The following STXBP5 variants were observed in gnomAD, a reference collection of about 807,000 sequenced individuals.
STXBP5 encodes syntaxin-binding protein 5.
In STXBP5, 50 loss-of-function variants were observed where a neutral mutation model predicts 152.4. That is an observed-to-expected ratio of 0.33 (90% CI 0.26 to 0.42). STXBP5 has a LOEUF of 0.42. STXBP5 is among the 10% of genes least tolerant of loss of function. STXBP5 has a pLI of 1.00. For synonymous variants in STXBP5, 492 were observed against 494.7 expected, an observed-to-expected ratio of 0.99 and a Z score of 0.07; for missense variants, 1,167 against 1,388.6, an observed-to-expected ratio of 0.84 and a Z score of 2.54.
At chr6:147,310,317 T>A in intron 10 of STXBP5, 79 bp downstream of exon 10, 73 of 1,115,892 alleles carry the variant, frequency 6.5e-5, no homozygotes, top group Middle Eastern at 2.4e-4. Context: ...GTTGTTTAGA[T>A]AAAACTACTC....
At position 147,324,959 on chromosome 6, in the gene STXBP5, A is replaced by G. The variant is rs758142248; in HGVS notation, c.1803A>G (p.Lys601=). ...GATACCATGTTTTCTTTTATTTTAG[A>G]GTTAAAAACTCACCACTTAAACAGT... ...DGLRDNVPCL[K]VKNSPLKQSP... is the part of the protein sequence containing the mutation. Residue 601 remains lysine (K), a splice_region_variant and synonymous_variant, in exon 17 of 28, where the codon AAA becomes AAG. Coordinates refer to ENST00000321680, the MANE Select transcript of STXBP5 (RefSeq NM_001127715.4). 1.3e-6 allele frequency: 2 copies of G among 1,515,564 alleles called. No homozygotes were observed. The highest frequency in any genetic ancestry group is 1.3e-5 in the South Asian group (1 of 74,298). The allele number at this position is 1,515,564 out of a possible 1,614,324, so 93.9% of individuals were successfully genotyped here.
At chr6:147,214,804 A>G (rs1317477778) in intron 2 of STXBP5, among the ~76,000 whole-genome samples, 2 of 152,230 alleles carry the variant, frequency 1.3e-5, no homozygotes, top group Admixed American at 1.3e-4. Flanking sequence ...TGCAGTCCAA[A>G]GTAATGCAAA....
chr6:147,384,864 GTTCTT>G lies in STXBP5; in HGVS notation c.*111_*115del. ...AAAGGGATGTTCGTCACTGAATACT[GTTCTT>G]TCCTAGCACAGTCATGCACTGTTTT... On this transcript the variant is annotated 3_prime_UTR_variant, in exon 28 of 28. Transcript: ENST00000321680. 1.8e-6 allele frequency: 2 copies of G among 1,128,250 alleles called. No homozygotes were observed. The highest frequency in any genetic ancestry group is 2.6e-6 in the Non-Finnish European group (2 of 758,940). The allele number at this position is 1,128,250 out of a possible 1,614,324, so 69.9% of individuals were successfully genotyped here.
Position 147,235,296 on chromosome 6 carries a change from G to T in STXBP5, c.295G>T (p.Ala99Ser). The T allele has an allele frequency of 6.2e-7, 1 of 1,613,164 alleles. No individual in the cohort carries two copies. Among genetic ancestry groups the T allele is most frequent in the Non-Finnish European group, 8.5e-7 (1 of 1,179,416 alleles). ...VECYCQHDSG[A>S]AVIQLQFLIN... ...ATGTTATTGCCAGCATGACAGTGGA[G>T]CTGCAGTAATCCAGCTCCAGTTCCT... The change falls in exon 3 of 28, where the codon GCT (alanine) becomes TCT (serine). Residue 99 changes from alanine (A) to serine (S), a missense_variant. Coordinates refer to ENST00000321680, the MANE Select transcript of STXBP5 (RefSeq NM_001127715.4).
intron 2 of STXBP5, among the ~76,000 whole-genome samples, chr6:147,228,171 CTA>C (rs891329201): frequency 5.3e-5 from 8 of 151,632 alleles, no homozygotes; most frequent in African/African-American, 1.4e-4. Flanking sequence ...ATGTGTGTGT[CTA>C]TGTGTGGTTT....
intron 4 of STXBP5, among the ~76,000 whole-genome samples, chr6:147,245,732 A>T (rs1167526602): frequency 6.6e-6 from 1 of 152,218 alleles, no homozygotes; most frequent in Non-Finnish European, 1.5e-5. Flanking sequence ...TCTGGTGTCC[A>T]CATAAGAAGA....
At chr6:147,272,765 C>G (rs886756924) in intron 7 of STXBP5, among the ~76,000 whole-genome samples, 1 of 152,114 alleles carries the variant, frequency 6.6e-6, no homozygotes, top group African/African-American at 2.4e-5. Context: ...CTACTCAGTA[C>G]AGCTTTAATT....
intron 4 of STXBP5, among the ~76,000 whole-genome samples, chr6:147,258,067 T>C (rs1779460938): frequency 6.6e-6 from 1 of 152,204 alleles, no homozygotes; most frequent in South Asian, 2.1e-4. Flanking sequence ...TCTGAAAGCA[T>C]TAAAAAAGAG....
chr6:147,316,484 G>A (rs888413318), intron 16 of STXBP5, 77 bp downstream of exon 16: 1 of 1,266,716 alleles, frequency 7.9e-7, no homozygotes, highest in African/African-American at 1.6e-5. Context: ...TAGAGCTATG[G>A]TAACATTTTC....
At chr6:147,298,336 A>G (rs1245976930) in intron 9 of STXBP5, among the ~76,000 whole-genome samples, 1 of 152,034 alleles carries the variant, frequency 6.6e-6, no homozygotes, top group African/African-American at 2.4e-5. Context: ...AGAGCACACA[A>G]ATTATTACTA....
chr6:147,267,470 A>G (rs192142778), intron 7 of STXBP5, among the ~76,000 whole-genome samples: 2 of 152,102 alleles, frequency 1.3e-5, no homozygotes, highest in Admixed American at 6.5e-5. Flanking sequence ...TTTCTTTTGT[A>G]CGAATGATAG....
At chr6:147,342,763 A>G (rs1274311819) in intron 21 of STXBP5, among the ~76,000 whole-genome samples, 6 of 152,156 alleles carry the variant, frequency 3.9e-5, no homozygotes, top group South Asian at 2.1e-4. Flanking sequence ...CCTACAATGC[A>G]TATCTTGGTT....
chr6:147,210,230 TGAG>T (rs1460911449), intron 2 of STXBP5, among the ~76,000 whole-genome samples: 4 of 152,302 alleles, frequency 2.6e-5, no homozygotes, highest in East Asian at 1.9e-4. Context: ...AGTAAAGTAA[TGAG>T]GCAATTACAA....
At chr6:147,226,208 C>T (rs1448098288) in intron 2 of STXBP5, among the ~76,000 whole-genome samples, 1 of 151,022 alleles carries the variant, frequency 6.6e-6, no homozygotes. Context: ...GAGGCTGAGA[C>T]AGGAGGATCC....
At chr6:147,300,539 TACAAAGA>T (rs1781754152) in intron 9 of STXBP5, among the ~76,000 whole-genome samples, 1 of 151,914 alleles carries the variant, frequency 6.6e-6, no homozygotes, top group African/African-American at 2.4e-5. Context: ...CCAAGAAAGA[TACAAAGA>T]ACAAAAATTG....
At chr6:147,235,104 T>TC (rs1157917610) in intron 2 of STXBP5, 146 bp from the exon 3 acceptor site, 13 of 633,126 alleles carry the variant, frequency 2.1e-5, no homozygotes, top group Non-Finnish European at 3.2e-5. Context: ...GATTGATGTG[T>TC]AACAAACCTA....
At chr6:147,351,503 C>G (rs996467659) in intron 21 of STXBP5, among the ~76,000 whole-genome samples, 1 of 151,936 alleles carries the variant, frequency 6.6e-6, no homozygotes, top group African/African-American at 2.4e-5. Flanking sequence ...TGTAATGTTG[C>G]CTTTTGGAGG....
chr6:147,383,090 C>G, intron 27 of STXBP5, 92 bp downstream of exon 27: 1 of 1,411,096 alleles, frequency 7.1e-7, no homozygotes, highest in African/African-American at 1.4e-5. Context: ...ATTTCTACAC[C>G]CATGAATTTG....
Position 147,315,540 on chromosome 6 carries a change from A to G in STXBP5, c.1428A>G (p.Leu476=), listed in dbSNP as rs775363689. 1.2e-6 allele frequency: 2 copies of G among 1,611,622 alleles called. No homozygotes were observed. The highest frequency in any genetic ancestry group is 1.7e-6 in the Non-Finnish European group (2 of 1,178,072). The change falls in exon 15 of 28, where the codon CTA becomes CTG. Residue 476 remains leucine (L), a synonymous_variant. Transcript: ENST00000321680. ...TAACTCTACAAGTATTATATAAGCT[A>G]AAGACATCTAAAGTATTTGAAAAGT... ...SAITLQVLYK[L]KTSKVFEKSR...
Sources: gnomAD v4.1 joint callset for allele counts (sites outside exome capture counted in the v4.1 genomes callset) on GRCh38, gnomAD v4.1.1 for gene constraint, MANE v1.5 for transcripts, NCBI Gene and HGNC (gene_info 2026-07-23, HGNC 2026-07-21) for gene names.